ATP8B4: variants seen among roughly 807,000 people sequenced by gnomAD.
ATP8B4 encodes the protein probable phospholipid-transporting ATPase IM.
Under a neutral mutation model 145.6 loss-of-function variants are expected in ATP8B4, and 133 were observed. The observed-to-expected ratio is 0.91, with a 90% CI of 0.79 to 1.05. The LOEUF is 1.05. Among genes scored for constraint, ATP8B4 ranks in the 50% least tolerant of loss-of-function variants. The probability of loss-of-function intolerance (pLI) is 0.00; values close to 1 mark genes in which losing one functional copy is unlikely to be tolerated. For synonymous variants in ATP8B4, 507 were observed against 492.9 expected, an observed-to-expected ratio of 1.03 and a Z score of -0.38; for missense variants, 1,458 against 1,425.2, an observed-to-expected ratio of 1.02 and a Z score of -0.37.
chr15:50,003,274 A>ATGTGTGTG (rs10539979), intron 7 of ATP8B4, among the ~76,000 whole-genome samples: 22,206 of 141,006 alleles, frequency 0.16, 1,854 homozygotes, highest in East Asian at 0.4. Flanking sequence ...TAGGGTGTGC[A>ATGTGTGTG]TGTGTGTGTG....
At chr15:50,035,177 G>A (rs984764109) in intron 6 of ATP8B4, among the ~76,000 whole-genome samples, 1 of 152,152 alleles carries the variant, frequency 6.6e-6, no homozygotes, top group African/African-American at 2.4e-5. Context: ...AAATTGTAGA[G>A]GAAGGTTAGA....
intron 1 of ATP8B4, among the ~76,000 whole-genome samples, chr15:50,176,877 C>A (rs1347493572): frequency 6.6e-6 from 1 of 152,208 alleles, no homozygotes; most frequent in African/African-American, 2.4e-5. Flanking sequence ...TCTGTCATGT[C>A]TAATATCAAT....
intron 3 of ATP8B4, among the ~76,000 whole-genome samples, chr15:50,072,962 CTCTCTCTCTCTCTCTCTCTA>C (rs2053879011): frequency 5.9e-5 from 2 of 34,036 alleles, no homozygotes; most frequent in Admixed American, 4.3e-4. Context: ...CTCTCTCTCT[CTCTCTCTCTCTCTCTCTCTA>C]TATATATATA....
intron 16 of ATP8B4, among the ~76,000 whole-genome samples, chr15:49,927,270 A>G (rs777898198): frequency 4.6e-5 from 7 of 152,086 alleles, no homozygotes; most frequent in African/African-American, 9.7e-5. Context: ...GAAATTATAC[A>G]TTGATGATTT....
intron 25 of ATP8B4, among the ~76,000 whole-genome samples, chr15:49,873,390 CA>C (rs1598821774): frequency 6.6e-6 from 1 of 152,256 alleles, no homozygotes; most frequent in East Asian, 1.9e-4. Context: ...CGCAATCTAA[CA>C]GCAACATGGT....
chr15:49,897,370 T>A lies in ATP8B4; in HGVS notation c.2619A>T (p.Leu873Phe). Reference sequence around the variant, plus strand: ...CAAAATTCTTATAGAAGAAATAGCATAAGAATTTGCACATTCGGAAATAAG... The same window carrying A: ...CAAAATTCTTATAGAAGAAATAGCAAAAGAATTTGCACATTCGGAAATAAG... Reference protein sequence around the residue: ...RWSYFRMCKFLCYFFYKNFAF... With the variant: ...RWSYFRMCKFFCYFFYKNFAF... Residue 873 changes from leucine (L) to phenylalanine (F), a missense_variant, in exon 23 of 28, where the codon TTA becomes TTT. Coordinates refer to ENST00000284509, the MANE Select transcript of ATP8B4 (RefSeq NM_024837.4). 1 of 1,613,886 alleles carries A rather than the reference T, an allele frequency of 6.2e-7. No individual in the cohort carries two copies. Among genetic ancestry groups the A allele is most frequent in the Non-Finnish European group, 8.5e-7 (1 of 1,179,868 alleles).
At chr15:50,169,604 T>C (rs1267156720) in intron 1 of ATP8B4, among the ~76,000 whole-genome samples, 2 of 152,168 alleles carry the variant, frequency 1.3e-5, no homozygotes, top group African/African-American at 4.8e-5. Flanking sequence ...ACCCTGGTAA[T>C]ATGACAAACC....
At chr15:50,102,830 T>C (rs967126649) in intron 2 of ATP8B4, among the ~76,000 whole-genome samples, 2 of 149,108 alleles carry the variant, frequency 1.3e-5, no homozygotes, top group African/African-American at 4.9e-5. Context: ...TGAATATAGA[T>C]GTAAAACTCC....
intron 3 of ATP8B4, among the ~76,000 whole-genome samples, chr15:50,056,737 AC>A (rs1201461582): frequency 6.7e-6 from 1 of 149,378 alleles, no homozygotes; most frequent in Non-Finnish European, 1.5e-5. Flanking sequence ...ACACACACAC[AC>A]CTATAGCAAA....
At chr15:50,061,135 G>A (rs2052986012) in intron 3 of ATP8B4, among the ~76,000 whole-genome samples, 1 of 152,006 alleles carries the variant, frequency 6.6e-6, no homozygotes, top group Admixed American at 6.6e-5. Flanking sequence ...TTTTGACTCA[G>A]CTGAAGATAT....
At chr15:49,860,776 A>T (rs867944393) in intron 27 of ATP8B4, among the ~76,000 whole-genome samples, 5 of 152,186 alleles carry the variant, frequency 3.3e-5, no homozygotes, top group Admixed American at 1.3e-4. Flanking sequence ...AGATTTTCTA[A>T]CATGCACCGC....
At chr15:49,910,835 G>T (rs1004143710) in intron 20 of ATP8B4, among the ~76,000 whole-genome samples, 1 of 152,042 alleles carries the variant, frequency 6.6e-6, no homozygotes, top group Admixed American at 6.5e-5. Flanking sequence ...GGGAAATAAA[G>T]TCTTTCCCAG....
At chr15:50,117,610 G>T (rs1326433767) in intron 1 of ATP8B4, among the ~76,000 whole-genome samples, 1 of 152,116 alleles carries the variant, frequency 6.6e-6, no homozygotes, top group Non-Finnish European at 1.5e-5. Context: ...CTCAAAAAAA[G>T]TGAAAACAGA....
At chr15:50,174,354 G>A (rs1032505191) in intron 1 of ATP8B4, among the ~76,000 whole-genome samples, 2 of 152,048 alleles carry the variant, frequency 1.3e-5, no homozygotes, top group African/African-American at 4.8e-5. Context: ...AAGGCAAACT[G>A]TCACTGTTTG....
At chr15:49,890,163 C>T (rs532152908) in intron 23 of ATP8B4, among the ~76,000 whole-genome samples, 1 of 152,318 alleles carries the variant, frequency 6.6e-6, no homozygotes, top group African/African-American at 2.4e-5. Flanking sequence ...CATCAGAGCA[C>T]CTGGCCCTAA....
Position 50,056,005 on chromosome 15 carries a change from C to T in ATP8B4, c.88-8541G>A, listed in dbSNP as rs368331528. ...TTCCAGGATAGGGGCAATGGAAAGA[C>T]GACAGTGCTCTTCTACGAACGCTGC... On this transcript the variant is annotated intron_variant, in intron 3 of 27. Transcript: ENST00000284509. Among the ~76,000 whole-genome samples the T allele has an allele frequency of 1.1e-4, 16 of 152,202 alleles. No homozygotes were observed. In the East Asian group the frequency reaches 1.7e-3, roughly 17 times the overall value.
At chr15:49,900,354 C>T (rs1178940103) in intron 21 of ATP8B4, among the ~76,000 whole-genome samples, 1 of 152,206 alleles carries the variant, frequency 6.6e-6, no homozygotes, top group Non-Finnish European at 1.5e-5. Context: ...CAAGAAGATA[C>T]ATTTATTGTC....
chr15:49,979,874 T>C, intron 11 of ATP8B4, 61 bp from the exon 12 acceptor site: 1 of 1,241,238 alleles, frequency 8.1e-7, no homozygotes, highest in Non-Finnish European at 1.1e-6. Context: ...CATATCAACA[T>C]GATCTAATTA....
At chr15:50,172,921 G>A (rs559520087) in intron 1 of ATP8B4, among the ~76,000 whole-genome samples, 37 of 150,782 alleles carry the variant, frequency 2.5e-4, no homozygotes, top group Non-Finnish European at 4.9e-4. Context: ...CGCCCCGTCC[G>A]GGAAGTGAGG....
Sources: allele counts gnomAD v4.1 joint callset (sites outside exome capture counted in the v4.1 genomes callset), GRCh38; gene constraint gnomAD v4.1.1; transcripts MANE v1.5; gene names NCBI Gene and HGNC (gene_info 2026-07-23, HGNC 2026-07-21).